Variants in RAD54L observed in about 807,000 individuals in gnomAD.
RAD54L encodes the protein DNA repair and recombination protein RAD54-like.
RAD54L carries 74 observed loss-of-function variants against 91.6 expected under a neutral mutation model. That is an observed-to-expected ratio of 0.81 (90% CI 0.67 to 0.98). The LOEUF (loss-of-function observed/expected upper bound fraction) is 0.98. RAD54L is among the 50% of genes least tolerant of loss of function. The pLI is 0.00. For missense variants in RAD54L, 887 were observed against 945.7 expected, an observed-to-expected ratio of 0.94 and a Z score of 0.81; for synonymous variants, 304 against 349.7, an observed-to-expected ratio of 0.87 and a Z score of 1.46.
chr1:46,255,442 C>A (rs1659913252), intron 3 of RAD54L, among the ~76,000 whole-genome samples: 1 of 149,988 alleles, frequency 6.7e-6, no homozygotes, highest in South Asian at 2.1e-4. Flanking sequence ...CTGCCCCCTG[C>A]TATAGAGACT....
chr1:46,248,746 C>G, intron 2 of RAD54L, 148 bp downstream of exon 2: 1 of 747,970 alleles, frequency 1.3e-6, no homozygotes, highest in Admixed American at 2.1e-5. Flanking sequence ...ATGTGCCAGG[C>G]ATTGAACAAG....
At chr1:46,272,877 AC>A in intron 12 of RAD54L, 75 bp downstream of exon 12, 2 of 1,588,408 alleles carry the variant, frequency 1.3e-6, no homozygotes, top group Non-Finnish European at 1.7e-6. Context: ...TGGCCTGGCA[AC>A]CCTCACTAAA....
chr1:46,266,278 G>C (rs757442677), intron 8 of RAD54L, among the ~76,000 whole-genome samples: 12 of 152,344 alleles, frequency 7.9e-5, no homozygotes, highest in Non-Finnish European at 1.3e-4. Flanking sequence ...TGAATGCTAA[G>C]CTAGTGAGCT....
intron 4 of RAD54L, among the ~76,000 whole-genome samples, chr1:46,259,162 C>G (rs1405637031): frequency 6.6e-6 from 1 of 151,638 alleles, no homozygotes; most frequent in Non-Finnish European, 1.5e-5. Flanking sequence ...GGGAGGCCAG[C>G]TTTCTCTCTC....
chr1:46,259,034 T>G (rs957866539), intron 4 of RAD54L, among the ~76,000 whole-genome samples: 5 of 152,170 alleles, frequency 3.3e-5, no homozygotes, highest in African/African-American at 1.2e-4. Context: ...TCAATCCAAG[T>G]GCATTCAGTA....
chr1:46,261,077 A>G, intron 7 of RAD54L, 62 bp downstream of exon 7: 7 of 1,581,866 alleles, frequency 4.4e-6, no homozygotes, highest in East Asian at 2.3e-5. Flanking sequence ...TCTTACGTGT[A>G]TGCTCATTTA....
At chr1:46,270,618 C>A in intron 9 of RAD54L, 41 bp from the exon 10 acceptor site, 2 of 1,611,334 alleles carry the variant, frequency 1.2e-6, no homozygotes, top group Non-Finnish European at 1.7e-6. Context: ...AAAATCATTC[C>A]TTTTCCACAT....
At chr1:46,253,388 C>T (rs1008975291) in intron 3 of RAD54L, among the ~76,000 whole-genome samples, 4 of 152,148 alleles carry the variant, frequency 2.6e-5, no homozygotes, top group East Asian at 1.9e-4. Flanking sequence ...CCTAGGCGGG[C>T]GGATCACAAG....
Position 46,259,967 on chromosome 1 carries a change from C to G in RAD54L, c.275C>G (p.Pro92Arg). ...CGGAATGATTATTGGTTTGTAGGTC[C>G]TCTGGGCTCTCGAGCATTGGGCCTG... The part of the protein sequence containing the change: ...FKVPIPNYQG[P>R]LGSRALGLKR... The change falls in exon 5 of 18, where the codon CCT becomes CGT. Residue 92 changes from proline (P) to arginine (R), a missense_variant. Pro to Arg is a moderately radical substitution (Grantham distance 103). Transcript: ENST00000371975. 6.2e-7 allele frequency: 1 copy of G among 1,614,072 alleles called. No individual in the cohort carries two copies. The highest frequency in any genetic ancestry group is 8.5e-7 in the Non-Finnish European group (1 of 1,180,008).
intron 3 of RAD54L, 74 bp from the exon 4 acceptor site, chr1:46,258,612 T>C (rs1660007128): frequency 3.5e-6 from 4 of 1,134,688 alleles, no homozygotes; most frequent in Non-Finnish European, 5.4e-6. Context: ...CAAAACCTAA[T>C]GTGAAGCATA....
chr1:46,259,959 T>C lies in RAD54L; in HGVS notation c.272-5T>C, dbSNP rs768407878. On this transcript the variant is annotated splice_region_variant and splice_polypyrimidine_tract_variant and intron_variant, in intron 4 of 17. Transcript: ENST00000371975. The stretch of plus-strand genomic sequence containing the variant: ...TCAGGTGACGGAATGATTATTGGTT[T>C]GTAGGTCCTCTGGGCTCTCGAGCAT... The C allele has an allele frequency of 6.2e-6, 10 of 1,613,970 alleles. No individual in the cohort carries two copies. In the African/African-American group the frequency reaches 1.2e-4, roughly 19 times the overall value.
chr1:46,275,702 T>A (rs548707834), intron 16 of RAD54L, among the ~76,000 whole-genome samples: 20 of 152,328 alleles, frequency 1.3e-4, no homozygotes, highest in Admixed American at 3.9e-4. Context: ...CTAACTCATC[T>A]TCTTTCTACT....
chr1:46,261,208 T>A (rs1043683611), intron 7 of RAD54L, 53 bp from the exon 8 acceptor site: 1 of 1,606,362 alleles, frequency 6.2e-7, no homozygotes, highest in African/African-American at 1.3e-5. Context: ...TTTTTTGTTT[T>A]TTTTTTTTTC....
rs754247548 is a variant in RAD54L at position 46,274,522 on chromosome 1, T to C, written c.1690-16T>C. The stretch of plus-strand genomic sequence containing the variant: ...GCTATAAGAGGTTCCTTTTCTCCTG[T>C]TTCTTCTCTTTCCAGAGCCCTGACT... On this transcript the variant is annotated splice_polypyrimidine_tract_variant and intron_variant, in intron 15 of 17. Transcript: ENST00000371975. The C allele has an allele frequency of 6.2e-7, 1 of 1,612,204 alleles. No individual in the cohort carries two copies. The highest frequency in any genetic ancestry group is 1.1e-5 in the South Asian group (1 of 90,994).
chr1:46,274,401 T>C (rs1204491863), intron 15 of RAD54L, 137 bp from the exon 16 acceptor site: 7 of 1,288,120 alleles, frequency 5.4e-6, no homozygotes, highest in Non-Finnish European at 7.9e-6. Context: ...ATTGGCTGGC[T>C]GGTGAGCAGA....
rs1232211984 is a variant in RAD54L at position 46,265,751 on chromosome 1, G to C, written c.892-1708G>C. 6.6e-6 allele frequency among the ~76,000 whole-genome samples: 1 copy of C among 152,150 alleles called. No homozygotes were observed. The highest frequency in any genetic ancestry group is 1.5e-5 in the Non-Finnish European group (1 of 68,034). ...GATAAAGTACAGTAGAGTGTGATTAGTACTCTAGTATATATATTATGGATG... is the reference window on the plus strand; with the variant it reads ...GATAAAGTACAGTAGAGTGTGATTACTACTCTAGTATATATATTATGGATG... On this transcript the variant is annotated intron_variant, in intron 8 of 17. Coordinates refer to ENST00000371975, the MANE Select transcript of RAD54L (RefSeq NM_003579.4). This position sits in a 1 kb window ranked among gnomAD's most constrained non-coding sequence, Gnocchi z 4.8.
chr1:46,252,284 G>A (rs1313090693), intron 3 of RAD54L, among the ~76,000 whole-genome samples: 1 of 152,172 alleles, frequency 6.6e-6, no homozygotes, highest in Non-Finnish European at 1.5e-5. Flanking sequence ...CAGAAGCCAT[G>A]CTAGGAGAGT....
Position 46,263,200 on chromosome 1 carries a change from C to T in RAD54L, c.891+1815C>T, listed in dbSNP as rs146893653. On this transcript the variant is annotated intron_variant, in intron 8 of 17. Transcript: ENST00000371975. This position sits in a 1 kb window ranked among gnomAD's most constrained non-coding sequence, Gnocchi z 4.3. ...GTTTCTGGAACTAAGGGAATATGGC[C>T]GTAGTTACTTCCTGGCCTTTTCCAG... 3.3e-5 allele frequency among the ~76,000 whole-genome samples: 5 copies of T among 151,946 alleles called. No homozygotes were observed. Among genetic ancestry groups the T allele is most frequent in the South Asian group, 2.1e-4 (1 of 4,778 alleles).
chr1:46,264,875 T>C (rs1227118175), intron 8 of RAD54L, among the ~76,000 whole-genome samples: 1 of 152,192 alleles, frequency 6.6e-6, no homozygotes, highest in Non-Finnish European at 1.5e-5. Context: ...TTGAGACCCA[T>C]GTGGATCCTT....
Sources: gnomAD v4.1 joint callset for allele counts (sites outside exome capture counted in the v4.1 genomes callset) on GRCh38, gnomAD v4.1.1 for gene constraint, Gnocchi (gnomAD v3.1) non-coding constraint, MANE v1.5 for transcripts, NCBI Gene and HGNC (gene_info 2026-07-23, HGNC 2026-07-21) for gene names.